DMXL1: variants seen among roughly 807,000 people sequenced by gnomAD.
The protein encoded by DMXL1 is dmX-like protein 1.
In DMXL1, 99 loss-of-function variants were observed where a neutral mutation model predicts 319.2. The observed-to-expected ratio is 0.31, with a 90% CI of 0.26 to 0.37. DMXL1 has a LOEUF of 0.37. Among genes scored for constraint, DMXL1 ranks in the 10% least tolerant of loss-of-function variants. DMXL1 has a pLI of 1.00. For missense variants in DMXL1, 3,745 were observed against 3,595.6 expected (o/e 1.04, Z -1.06); for synonymous variants, 1,385 against 1,235.2 (o/e 1.12, Z -2.54).
intron 7 of DMXL1, 84 bp downstream of exon 7, chr5:119,116,420 C>CTGTAACTATGGACTCTCAA: frequency 1.4e-6 from 2 of 1,404,308 alleles, no homozygotes; most frequent in Non-Finnish European, 2.0e-6. Flanking sequence ...TTTGAGAGTC[C>CTGTAACTATGGACTCTCAA]ATAGTTACAG....
rs537708013 is a variant in DMXL1 at position 119,238,891 on chromosome 5, A to G, written c.8560-98A>G. ...AAAAAACGATACAGAGGATTTAAGA[A>G]AGCCAGAAACTACATGATCACTTTT... On this transcript the variant is annotated intron_variant, in intron 40 of 43. Coordinates refer to ENST00000539542, the MANE Select transcript of DMXL1 (RefSeq NM_001290321.3). 76 of 1,512,956 alleles carry G rather than the reference A, an allele frequency of 5.0e-5. No individual in the cohort carries two copies. The African/African-American group carries it at 1.0e-3, about 20-fold the overall frequency. The allele number at this position is 1,512,956 out of a possible 1,614,324, so 93.7% of individuals were successfully genotyped here.
intron 34 of DMXL1, 113 bp downstream of exon 34, chr5:119,207,009 T>A (rs1168268954): frequency 1.7e-6 from 1 of 589,550 alleles, no homozygotes; most frequent in Non-Finnish European, 2.8e-6. Context: ...AAAGTATTGT[T>A]CCCTCAAATT....
intron 1 of DMXL1, among the ~76,000 whole-genome samples, chr5:119,093,597 G>T (rs974989731): frequency 2.0e-5 from 3 of 152,158 alleles, no homozygotes; most frequent in African/African-American, 7.2e-5. Context: ...TCTTTTAAGT[G>T]TTCAGAAAGG....
At chr5:119,191,491 C>T (rs568180113) in intron 29 of DMXL1, among the ~76,000 whole-genome samples, 46 of 152,252 alleles carry the variant, frequency 3.0e-4, no homozygotes, top group African/African-American at 1.1e-3. Context: ...TTATTAAGCA[C>T]TTCATTTATC....
chr5:119,202,818 T>G (rs1440953062), intron 32 of DMXL1, among the ~76,000 whole-genome samples: 1 of 148,242 alleles, frequency 6.7e-6, no homozygotes, highest in African/African-American at 2.5e-5. Flanking sequence ...CCTGTTGCAC[T>G]CCAGTCTGGG....
Position 119,116,144 on chromosome 5 carries a change from T to C in DMXL1, c.565-14T>C. ...GATCTCCATGATTTTCTGTTTTGTT[T>C]TTTTTTTCCTTAGGATGACTGTCTT... is the stretch of plus-strand genomic sequence containing the variant. On this transcript the variant is annotated splice_polypyrimidine_tract_variant and intron_variant, in intron 6 of 43. Coordinates refer to ENST00000539542, the MANE Select transcript of DMXL1 (RefSeq NM_001290321.3). 1 of 1,571,510 alleles carries C rather than the reference T, an allele frequency of 6.4e-7. No homozygotes were observed. The highest frequency in any genetic ancestry group is 8.6e-7 in the Non-Finnish European group (1 of 1,162,192).
chr5:119,113,089 A>G (rs899894343), intron 5 of DMXL1, among the ~76,000 whole-genome samples: 1 of 152,222 alleles, frequency 6.6e-6, no homozygotes. Flanking sequence ...AAATTAGAAA[A>G]CAGCAGTGAA....
chr5:119,229,401 A>G (rs559923813), intron 38 of DMXL1, among the ~76,000 whole-genome samples: 5 of 152,148 alleles, frequency 3.3e-5, no homozygotes, highest in African/African-American at 7.2e-5. Context: ...CTTTGCACCA[A>G]TGTACTTCTG....
At chr5:119,094,161 A>T (rs999677959) in intron 1 of DMXL1, among the ~76,000 whole-genome samples, 2 of 152,236 alleles carry the variant, frequency 1.3e-5, no homozygotes, top group Non-Finnish European at 2.9e-5. Context: ...TTGGAAGAAG[A>T]TGCCATCTAG....
chr5:119,129,409 T>A lies in DMXL1; in HGVS notation c.1301T>A (p.Val434Glu). The A allele has an allele frequency of 2.5e-6, 4 of 1,605,220 alleles. No homozygotes were observed. Among genetic ancestry groups the A allele is most frequent in the Non-Finnish European group, 3.4e-6 (4 of 1,177,308 alleles). Reference sequence around the variant, plus strand: ...GTAGAAGATTCTAATCAGGCAGATGTAAAATCTGATGAAGGTAAACTTTAA... The same window carrying A: ...GTAGAAGATTCTAATCAGGCAGATGAAAAATCTGATGAAGGTAAACTTTAA... Reference protein sequence around the residue: ...ASVEDSNQADVKSDEETDDGV... With the variant: ...ASVEDSNQADEKSDEETDDGV... Residue 434 changes from valine to glutamate, a missense_variant, in exon 10 of 44, where the codon GTA becomes GAA. By Grantham distance (121) the Val-to-Glu change is moderately radical. Around this residue, in one of 4 missense-constraint regions of DMXL1, gnomAD observed 2,096 missense variants for 1,985.4 expected, o/e 1.06. Coordinates refer to ENST00000539542, the MANE Select transcript of DMXL1 (RefSeq NM_001290321.3).
At chr5:119,224,303 A>C (rs1174263652) in intron 37 of DMXL1, among the ~76,000 whole-genome samples, 4 of 152,024 alleles carry the variant, frequency 2.6e-5, no homozygotes, top group African/African-American at 4.8e-5. Context: ...TCAAAGCATA[A>C]CTTTAAAATG....
intron 19 of DMXL1, among the ~76,000 whole-genome samples, chr5:119,162,008 T>C (rs892289981): frequency 2.0e-5 from 3 of 152,224 alleles, no homozygotes; most frequent in Non-Finnish European, 4.4e-5. Context: ...CCACATTGTT[T>C]CCCTTGAGGT....
chr5:119,095,278 C>A (rs942147649), intron 1 of DMXL1, among the ~76,000 whole-genome samples: 7 of 152,152 alleles, frequency 4.6e-5, no homozygotes, highest in African/African-American at 1.7e-4. Context: ...AGCAAAAGAA[C>A]AAGGGTAATT....
intron 1 of DMXL1, among the ~76,000 whole-genome samples, chr5:119,079,571 C>G (rs1184864849): frequency 1.3e-5 from 2 of 152,234 alleles, no homozygotes; most frequent in African/African-American, 4.8e-5. Context: ...CTGCTCACTT[C>G]TTAACTCACT....
Position 119,133,902 on chromosome 5 carries a change from G to A in DMXL1, c.1978G>A (p.Ala660Thr), listed in dbSNP as rs774741493. 1.2e-5 allele frequency: 20 copies of A among 1,613,954 alleles called. No individual in the cohort carries two copies. In the South Asian group the frequency reaches 2.1e-4, roughly 17 times the overall value. ...ATTGCTGACAACATCACACCATAAT[G>A]CATTAAGGACACCAGATGTTGATAA... ...PLLLTTSHHN[A>T]LRTPDVDNPE... The change falls in exon 12 of 44, where the codon GCA becomes ACA. Residue 660 changes from alanine (A) to threonine (T), a missense_variant. This residue lies in a region of DMXL1 where 2,096 missense variants were observed against 1,985.4 expected (regional missense o/e 1.06). Transcript: ENST00000539542.
At chr5:119,126,547 A>G (rs1561656403) in intron 9 of DMXL1, among the ~76,000 whole-genome samples, 1 of 152,236 alleles carries the variant, frequency 6.6e-6, no homozygotes, top group Non-Finnish European at 1.5e-5. Flanking sequence ...AAGTGTACTT[A>G]GAGCTGTTAC....
chr5:119,137,641 C>T (rs1766325687), intron 13 of DMXL1, among the ~76,000 whole-genome samples: 1 of 152,180 alleles, frequency 6.6e-6, no homozygotes, highest in Admixed American at 6.5e-5. Flanking sequence ...AGCAAGTTCT[C>T]ACAAGATCTG....
intron 9 of DMXL1, 134 bp downstream of exon 9, chr5:119,121,273 CTT>C: frequency 1.6e-6 from 1 of 644,054 alleles, no homozygotes; most frequent in Non-Finnish European, 2.3e-6. Flanking sequence ...TTTTTTTTTT[CTT>C]TTTTTTTAAT....
intron 1 of DMXL1, among the ~76,000 whole-genome samples, chr5:119,095,599 G>T (rs1011140368): frequency 2.0e-5 from 3 of 152,192 alleles, no homozygotes; most frequent in Non-Finnish European, 4.4e-5. Flanking sequence ...AACTGAAAAT[G>T]TTGTTTAGAA....
Sources: gnomAD v4.1 joint callset for allele counts (sites outside exome capture counted in the v4.1 genomes callset) on GRCh38, gnomAD v4.1.1 for gene constraint, gnomAD v4.1.1 regional missense constraint, MANE v1.5 for transcripts, NCBI Gene and HGNC (gene_info 2026-07-23, HGNC 2026-07-21) for gene names.